Variants in IFT122 observed in about 807,000 individuals in gnomAD.
The protein encoded by IFT122 is intraflagellar transport 122, also known as intraflagellar transport protein 122 homolog.
IFT122 carries 118 observed loss-of-function variants against 161.6 expected under a neutral mutation model. The observed-to-expected ratio is 0.73, with a 90% CI of 0.63 to 0.85. IFT122 has a LOEUF of 0.85. Among genes scored for constraint, IFT122 ranks in the 40% least tolerant of loss-of-function variants. The pLI is 0.00. For missense variants in IFT122, 1,381 were observed against 1,579.6 expected, an observed-to-expected ratio of 0.87 and a Z score of 2.13; for synonymous variants, 550 against 602.4, an observed-to-expected ratio of 0.91 and a Z score of 1.27.
intron 27 of IFT122, among the ~76,000 whole-genome samples, chr3:129,518,874 A>G (rs958324666): frequency 2.6e-5 from 4 of 152,026 alleles, no homozygotes; most frequent in Non-Finnish European, 5.9e-5. Flanking sequence ...TGTGCTTCCC[A>G]CTGGCCCTGG....
At chr3:129,467,728 G>C (rs2076950853) in intron 8 of IFT122, among the ~76,000 whole-genome samples, 1 of 152,148 alleles carries the variant, frequency 6.6e-6, no homozygotes, top group Non-Finnish European at 1.5e-5. Flanking sequence ...GGAAAGCTGG[G>C]GTAGCCAGGA....
chr3:129,501,945 G>A (rs1389363497), intron 19 of IFT122, among the ~76,000 whole-genome samples: 1 of 152,142 alleles, frequency 6.6e-6, no homozygotes, highest in Non-Finnish European at 1.5e-5. Flanking sequence ...GACTAGCCTG[G>A]GTAGAACCCT....
chr3:129,517,137 G>C (rs1187040951), intron 26 of IFT122, among the ~76,000 whole-genome samples: 3 of 130,772 alleles, frequency 2.3e-5, no homozygotes, highest in Admixed American at 8.0e-5. Flanking sequence ...CACACACATG[G>C]AGACTGCCCC....
At chr3:129,499,345 C>A (rs1201442840) in intron 18 of IFT122, among the ~76,000 whole-genome samples, 1 of 152,220 alleles carries the variant, frequency 6.6e-6, no homozygotes, top group Non-Finnish European at 1.5e-5. Context: ...GCATGGAGGG[C>A]ACGGAGGGCC....
intron 14 of IFT122, 100 bp from the exon 15 acceptor site, chr3:129,483,385 A>C (rs2078900504): frequency 1.0e-6 from 1 of 970,520 alleles, no homozygotes; most frequent in Non-Finnish European, 1.7e-6. Flanking sequence ...TAAGCAATTT[A>C]GTGGGATTCA....
chr3:129,502,454 T>C, intron 19 of IFT122, among the ~76,000 whole-genome samples: 1 of 152,216 alleles, frequency 6.6e-6, no homozygotes, highest in Non-Finnish European at 1.5e-5. Flanking sequence ...GATAATTGTT[T>C]CTATACCCTG....
At chr3:129,455,164 C>T (rs66896023) in intron 3 of IFT122, among the ~76,000 whole-genome samples, 20,125 of 151,556 alleles carry the variant, frequency 0.13, 1,705 homozygotes, top group South Asian at 0.24. Flanking sequence ...CCTTTAAGTT[C>T]ATTAAGTTTT....
chr3:129,517,434 T>C (rs1029522482), intron 26 of IFT122, 35 bp from the exon 27 acceptor site: 1 of 1,611,072 alleles, frequency 6.2e-7, no homozygotes, highest in Non-Finnish European at 8.5e-7. Context: ...TTGCAAGGCC[T>C]CCAGCCCCCT....
chr3:129,492,147 A>G lies in IFT122; in HGVS notation c.1999A>G (p.Ile667Val). ...CTTTATTTCTTCGCCACAGGCCTTC[A>G]TCAGAGTACAAGACCTCCGATATTT... ...LDFETAKKAF[I>V]RVQDLRYLEL... Residue 667 changes from isoleucine (I) to valine (V), a missense_variant, in exon 17 of 30, where the codon ATC becomes GTC. Around this residue, in one of 7 missense-constraint regions of IFT122, gnomAD observed 496 missense variants for 502.5 expected, o/e 0.99. Transcript: ENST00000348417. The G allele has an allele frequency of 6.2e-7, 1 of 1,612,366 alleles. No homozygotes were observed. The highest frequency in any genetic ancestry group is 8.5e-7 in the Non-Finnish European group (1 of 1,178,508).
chr3:129,472,043 T>TCC (rs61672415), intron 9 of IFT122, among the ~76,000 whole-genome samples: 20,186 of 152,192 alleles, frequency 0.13, 1,711 homozygotes, highest in South Asian at 0.24. Context: ...TAGTCTGTGG[T>TCC]CCACCCTGCT....
At chr3:129,469,221 G>C in intron 8 of IFT122, 121 bp from the exon 9 acceptor site, 1 of 840,380 alleles carries the variant, frequency 1.2e-6, no homozygotes, top group Non-Finnish European at 2.0e-6. Flanking sequence ...CTTCAGTAAA[G>C]CTGTACAACA....
At chr3:129,519,453 G>A in intron 28 of IFT122, 115 bp from the exon 29 acceptor site, 2 of 1,420,406 alleles carry the variant, frequency 1.4e-6, no homozygotes, top group Non-Finnish European at 1.9e-6. Flanking sequence ...GGTCACCTGG[G>A]TTTAGGAAGC....
intron 17 of IFT122, among the ~76,000 whole-genome samples, chr3:129,494,046 G>A (rs1457365184): frequency 1.3e-5 from 2 of 152,206 alleles, no homozygotes; most frequent in South Asian, 2.1e-4. Flanking sequence ...GTGCCTTTTG[G>A]ATAGGGGAGA....
Position 129,495,536 on chromosome 3 carries a change from T to C in IFT122, c.2137T>C (p.Tyr713His). 6.2e-7 allele frequency: 1 copy of C among 1,614,164 alleles called. No individual in the cohort carries two copies. Among genetic ancestry groups the C allele is most frequent in the Non-Finnish European group, 8.5e-7 (1 of 1,180,038 alleles). Residue 713 changes from tyrosine to histidine, a missense_variant, in exon 18 of 30, where the codon TAC (tyrosine) becomes CAC (histidine). Around this residue, in one of 7 missense-constraint regions of IFT122, gnomAD observed 496 missense variants for 502.5 expected, o/e 0.99. Transcript: ENST00000348417. ...QGKFHEAAKL[Y>H]KRSGHENLAL... ...GAAGTTCCATGAGGCCGCCAAACTGTACAAGAGGAGTGGGCACGAGAACCT... is the reference window on the plus strand; with the variant it reads ...GAAGTTCCATGAGGCCGCCAAACTGCACAAGAGGAGTGGGCACGAGAACCT...
At chr3:129,454,512 T>TG (rs1374734578) in intron 3 of IFT122, among the ~76,000 whole-genome samples, 88 of 133,160 alleles carry the variant, frequency 6.6e-4, no homozygotes, top group African/African-American at 2.8e-3. Context: ...GGTAGTCATA[T>TG]TTGTGTGTGT....
intron 14 of IFT122, among the ~76,000 whole-genome samples, chr3:129,482,304 G>A (rs2078756005): frequency 6.6e-6 from 1 of 152,212 alleles, no homozygotes; most frequent in African/African-American, 2.4e-5. Context: ...AGAGAAGACA[G>A]CCCGGCAGCT....
intron 5 of IFT122, among the ~76,000 whole-genome samples, chr3:129,462,528 C>A (rs2076305105): frequency 6.6e-6 from 1 of 152,196 alleles, no homozygotes; most frequent in Non-Finnish European, 1.5e-5. Context: ...AGAGCCTGCT[C>A]TGCTAAGCAC....
In IFT122 at chr3:129,504,955, AC is replaced by A. The variant is rs1463028021; in HGVS notation, c.2650+535del. ...CAGCTTCTATTTCTGGCTCAGATAAACGGGTGACTTCTGCTCCTCAAGAATT... is the reference window on the plus strand; with the variant it reads ...CAGCTTCTATTTCTGGCTCAGATAAAGGGTGACTTCTGCTCCTCAAGAATT... On this transcript the variant is annotated intron_variant, in intron 21 of 29. Coordinates refer to ENST00000348417, the MANE Select transcript of IFT122 (RefSeq NM_052989.3). Among the ~76,000 whole-genome samples, 10 of 152,312 alleles carry A rather than the reference AC, an allele frequency of 6.6e-5. No individual in the cohort carries two copies. In the East Asian group the frequency reaches 9.6e-4, roughly 15 times the overall value.
chr3:129,460,616 T>C (rs1378302922), intron 4 of IFT122, among the ~76,000 whole-genome samples: 1 of 152,184 alleles, frequency 6.6e-6, no homozygotes, highest in Non-Finnish European at 1.5e-5. Flanking sequence ...ACATTTTCTT[T>C]ATCCATTCAT....
Sources: allele counts gnomAD v4.1 joint callset (sites outside exome capture counted in the v4.1 genomes callset), GRCh38; gene constraint gnomAD v4.1.1; regional missense constraint gnomAD v4.1.1; transcripts MANE v1.5; gene names NCBI Gene and HGNC (gene_info 2026-07-23, HGNC 2026-07-21).